The following ZFPM2 variants were observed in gnomAD, a reference collection of about 807,000 sequenced individuals.
The protein encoded by ZFPM2 is zinc finger protein, FOG family member 2, also known as zinc finger protein ZFPM2.
Under a neutral mutation model 98.6 loss-of-function variants are expected in ZFPM2, and 20 were observed. The observed-to-expected ratio is 0.20, with a 90% CI of 0.14 to 0.29. The LOEUF (loss-of-function observed/expected upper bound fraction) is 0.29. Ranked by LOEUF, ZFPM2 falls within the 10% of genes least tolerant of loss-of-function variation. ZFPM2 has a pLI of 1.00. For synonymous variants in ZFPM2, 518 were observed against 502.7 expected (o/e 1.03, Z -0.41); for missense variants, 1,310 against 1,388.6 (o/e 0.94, Z 0.90).
intron 5 of ZFPM2, among the ~76,000 whole-genome samples, chr8:105,738,929 C>G (rs1287620106): frequency 1.3e-5 from 2 of 151,946 alleles, no homozygotes; most frequent in Admixed American, 6.6e-5. Context: ...AGAAGAATCC[C>G]TTAGGTCTTC....
intron 4 of ZFPM2, among the ~76,000 whole-genome samples, chr8:105,624,836 G>A (rs575953283): frequency 3.3e-5 from 5 of 152,142 alleles, no homozygotes; most frequent in Non-Finnish European, 5.9e-5. Context: ...TTAAATTTTT[G>A]GTTCATAGAG....
chr8:105,325,554 C>T (rs1019143084), intron 1 of ZFPM2, among the ~76,000 whole-genome samples: 1 of 151,778 alleles, frequency 6.6e-6, no homozygotes. Flanking sequence ...AGTGGACTCT[C>T]TGATCGTCAT....
chr8:105,364,814 A>C (rs999589907), intron 1 of ZFPM2, among the ~76,000 whole-genome samples: 1 of 152,130 alleles, frequency 6.6e-6, no homozygotes, highest in African/African-American at 2.4e-5. Flanking sequence ...TCGAACGGAC[A>C]ATCCATTTCT....
intron 1 of ZFPM2, chr8:105,387,976 C>A (rs1015411611): frequency 6.6e-6 from 1 of 152,194 alleles, no homozygotes; most frequent in Non-Finnish European, 1.5e-5. Context: ...GTAAGAAATT[C>A]CCATAAAATG....
intron 5 of ZFPM2, among the ~76,000 whole-genome samples, chr8:105,693,939 CAATATATTATCCAA>C (rs1338684135): frequency 1.4e-5 from 2 of 147,738 alleles, no homozygotes; most frequent in African/African-American, 5.0e-5. Flanking sequence ...TTGAAATATA[CAATATATTATCCAA>C]ATTTTTTTCT....
chr8:105,609,681 G>A (rs1816266539), intron 4 of ZFPM2, among the ~76,000 whole-genome samples: 1 of 152,076 alleles, frequency 6.6e-6, no homozygotes, highest in African/African-American at 2.4e-5. Flanking sequence ...TTTGTTCTTG[G>A]CTAAAACTCT....
At chr8:105,708,052 C>T (rs1282009417) in intron 5 of ZFPM2, among the ~76,000 whole-genome samples, 2 of 152,116 alleles carry the variant, frequency 1.3e-5, no homozygotes, top group Admixed American at 1.3e-4. Flanking sequence ...GAAATGTAGT[C>T]TTTTGGGTTG....
chr8:105,339,357 TG>T (rs1812385668), intron 1 of ZFPM2, among the ~76,000 whole-genome samples: 1 of 151,742 alleles, frequency 6.6e-6, no homozygotes, highest in African/African-American at 2.4e-5. Context: ...GGTACCTGAA[TG>T]GTAATTAGGC....
intron 3 of ZFPM2, among the ~76,000 whole-genome samples, chr8:105,560,584 T>C (rs1164414956): frequency 6.6e-6 from 1 of 152,014 alleles, no homozygotes; most frequent in African/African-American, 2.4e-5. Flanking sequence ...GTTTTTTTTT[T>C]TTTTGAAATT....
At chr8:105,327,753 T>C (rs1300917534) in intron 1 of ZFPM2, among the ~76,000 whole-genome samples, 1 of 151,856 alleles carries the variant, frequency 6.6e-6, no homozygotes, top group Non-Finnish European at 1.5e-5. Context: ...TGATTATTTA[T>C]AATTCACTGA....
chr8:105,547,809 T>G (rs1306760119), intron 3 of ZFPM2, among the ~76,000 whole-genome samples: 1 of 152,174 alleles, frequency 6.6e-6, no homozygotes, highest in Non-Finnish European at 1.5e-5. Flanking sequence ...ATTTCAAACA[T>G]AATTTCTATC....
chr8:105,758,183 G>T (rs1812651007), intron 5 of ZFPM2, among the ~76,000 whole-genome samples: 1 of 152,080 alleles, frequency 6.6e-6, no homozygotes, highest in Non-Finnish European at 1.5e-5. Context: ...CACCAAAGAA[G>T]ACCCAAGGTA....
rs149264445 is a variant in ZFPM2 at position 105,495,195 on chromosome 8, T to C, written c.301+50814T>C. Among the ~76,000 whole-genome samples the C allele has an allele frequency of 1.3e-3, 196 of 152,324 alleles. 2 individuals are homozygous for C. Among genetic ancestry groups the C allele is most frequent in the African/African-American group, 4.7e-3 (195 of 41,586 alleles). On this transcript the variant is annotated intron_variant, in intron 3 of 7. Transcript: ENST00000407775. ...TGTTTACTTTTTAGTCATTCGTTTA[T>C]GTGTCCCTCTTCTTCACCACATCTT... is the stretch of plus-strand genomic sequence containing the variant.
chr8:105,469,356 ACTCT>A (rs1444815235), intron 3 of ZFPM2, among the ~76,000 whole-genome samples: 1 of 151,274 alleles, frequency 6.6e-6, no homozygotes, highest in African/African-American at 2.4e-5. Context: ...ACATCTCTTT[ACTCT>A]CTCTTATTTT....
intron 1 of ZFPM2, among the ~76,000 whole-genome samples, chr8:105,328,496 T>C (rs897593865): frequency 6.6e-6 from 1 of 151,836 alleles, no homozygotes; most frequent in African/African-American, 2.4e-5. Flanking sequence ...TTCAAATTTG[T>C]AATCTGTGTT....
chr8:105,699,030 A>T (rs1811081942), intron 5 of ZFPM2, among the ~76,000 whole-genome samples: 1 of 152,216 alleles, frequency 6.6e-6, no homozygotes, highest in African/African-American at 2.4e-5. Flanking sequence ...AAATGAGCAC[A>T]TAAGTTATTT....
intron 5 of ZFPM2, among the ~76,000 whole-genome samples, chr8:105,769,602 G>C (rs1812938261): frequency 6.6e-6 from 1 of 151,904 alleles, no homozygotes; most frequent in South Asian, 2.1e-4. Flanking sequence ...AGCTTAGTTG[G>C]TTCTCCAAGA....
intron 5 of ZFPM2, among the ~76,000 whole-genome samples, chr8:105,724,804 G>A (rs565285418): frequency 6.6e-6 from 1 of 151,610 alleles, no homozygotes; most frequent in African/African-American, 2.4e-5. Flanking sequence ...AATGATTAAA[G>A]TGTCTACATA....
chr8:105,534,630 A>C (rs895028730), intron 3 of ZFPM2, among the ~76,000 whole-genome samples: 1 of 152,170 alleles, frequency 6.6e-6, no homozygotes, highest in African/African-American at 2.4e-5. Flanking sequence ...GAAGGAGAAG[A>C]ATATCTAGAC....
Sources: allele counts gnomAD v4.1 joint callset (sites outside exome capture counted in the v4.1 genomes callset), GRCh38; gene constraint gnomAD v4.1.1; transcripts MANE v1.5; gene names NCBI Gene and HGNC (gene_info 2026-07-23, HGNC 2026-07-21).